CBFA2T3: variants seen among roughly 807,000 people sequenced by gnomAD.
The protein encoded by CBFA2T3 is transcriptional corepressor CBFA2T3.
CBFA2T3 carries 31 observed loss-of-function variants against 58.6 expected under a neutral mutation model. The observed-to-expected ratio is 0.53, with a 90% CI of 0.40 to 0.71. CBFA2T3 has a LOEUF of 0.71. CBFA2T3 is among the 30% of genes least tolerant of loss of function. The pLI is 0.00. For synonymous variants in CBFA2T3, 531 were observed against 421.9 expected, an observed-to-expected ratio of 1.26 and a Z score of -3.17; for missense variants, 1,076 against 963.1, an observed-to-expected ratio of 1.12 and a Z score of -1.55.
chr16:88,884,979 T>G, intron 7 of CBFA2T3, 67 bp downstream of exon 7: 9 of 1,223,682 alleles, frequency 7.4e-6, no homozygotes, highest in Non-Finnish European at 1.0e-5. Context: ...CATGCTCAGG[T>G]GTACATGTGG....
chr16:88,877,346 AG>A, intron 11 of CBFA2T3, 71 bp from the exon 12 acceptor site: 3 of 1,294,640 alleles, frequency 2.3e-6, no homozygotes, highest in Non-Finnish European at 3.2e-6. Context: ...GCCTCAACCA[AG>A]CCATTCAGAC....
chr16:88,907,643 C>T (rs747444930), intron 1 of CBFA2T3, among the ~76,000 whole-genome samples: 2 of 152,188 alleles, frequency 1.3e-5, no homozygotes, highest in Non-Finnish European at 2.9e-5. Context: ...ACCCCTTCCC[C>T]ACTGGCCACA....
At chr16:88,959,167 C>T (rs1972302747) in intron 1 of CBFA2T3, among the ~76,000 whole-genome samples, 2 of 152,194 alleles carry the variant, frequency 1.3e-5, no homozygotes, top group Admixed American at 6.5e-5. Context: ...CTGGCAGGCA[C>T]GCCACATGTG....
chr16:88,946,636 T>C (rs112419678), intron 1 of CBFA2T3, among the ~76,000 whole-genome samples: 20 of 151,744 alleles, frequency 1.3e-4, no homozygotes, highest in African/African-American at 4.6e-4. Context: ...GCGCCCACCA[T>C]CACGCCCAGC....
intron 1 of CBFA2T3, among the ~76,000 whole-genome samples, chr16:88,904,532 C>T (rs1253232718): frequency 1.3e-5 from 2 of 152,234 alleles, no homozygotes; most frequent in Non-Finnish European, 2.9e-5. Context: ...TTTTAGGCCT[C>T]AAGGTACTTG....
At chr16:88,886,241 A>G (rs1969368238) in intron 5 of CBFA2T3, 99 bp from the exon 6 acceptor site, 1 of 854,472 alleles carries the variant, frequency 1.2e-6, no homozygotes. Context: ...CGAAAGCTCA[A>G]CTTGACCTCG....
At chr16:88,880,577 G>T in intron 10 of CBFA2T3, 143 bp downstream of exon 10, 1 of 697,316 alleles carries the variant, frequency 1.4e-6, no homozygotes, top group Non-Finnish European at 2.4e-6. Flanking sequence ...CTCTCCGTGA[G>T]CCACACAGCG....
chr16:88,897,831 G>C (rs928140548), intron 3 of CBFA2T3, among the ~76,000 whole-genome samples: 1 of 152,248 alleles, frequency 6.6e-6, no homozygotes, highest in South Asian at 2.1e-4. Flanking sequence ...AGCTCAGAGA[G>C]GCTCTGCTCC....
chr16:88,976,302 GGC>G (rs1395267911), intron 1 of CBFA2T3, among the ~76,000 whole-genome samples: 1 of 152,142 alleles, frequency 6.6e-6, no homozygotes, highest in Non-Finnish European at 1.5e-5. Flanking sequence ...GGAGGAGGAG[GGC>G]TCTCTTTCTA....
At chr16:88,922,824 A>T (rs1023451904) in intron 1 of CBFA2T3, among the ~76,000 whole-genome samples, 1 of 152,208 alleles carries the variant, frequency 6.6e-6, no homozygotes, top group Non-Finnish European at 1.5e-5. Context: ...CATGGCCAAC[A>T]AAATACTAAC....
At chr16:88,941,276 G>A (rs1263967423) in intron 1 of CBFA2T3, 2 of 616,148 alleles carry the variant, frequency 3.2e-6, no homozygotes, top group South Asian at 6.7e-5. Flanking sequence ...GGCGGTCTCC[G>A]GCCTCCGCGG....
chr16:88,972,211 C>T (rs1285434740), intron 1 of CBFA2T3, among the ~76,000 whole-genome samples: 2 of 144,464 alleles, frequency 1.4e-5, no homozygotes, highest in Non-Finnish European at 3.0e-5. Flanking sequence ...GCCACGCTTA[C>T]TGGGGAGGGA....
chr16:88,926,999 C>T (rs1567613075), intron 1 of CBFA2T3, among the ~76,000 whole-genome samples: 1 of 152,196 alleles, frequency 6.6e-6, no homozygotes, highest in Admixed American at 6.5e-5. Context: ...GCCTGGCACG[C>T]GTGGTCCTTC....
At chr16:88,921,469 C>G (rs1185019770) in intron 1 of CBFA2T3, among the ~76,000 whole-genome samples, 1 of 152,190 alleles carries the variant, frequency 6.6e-6, no homozygotes, top group African/African-American at 2.4e-5. Context: ...GCCGGGATTT[C>G]CCGATCCAGG....
intron 1 of CBFA2T3, among the ~76,000 whole-genome samples, chr16:88,917,289 G>T (rs993385064): frequency 3.9e-5 from 6 of 152,124 alleles, no homozygotes; most frequent in Non-Finnish European, 8.8e-5. Flanking sequence ...CCAGGAAGAG[G>T]CTGCACCTGG....
At chr16:88,894,410 C>T (rs1205600986) in intron 3 of CBFA2T3, among the ~76,000 whole-genome samples, 1 of 111,898 alleles carries the variant, frequency 8.9e-6, no homozygotes, top group African/African-American at 4.1e-5. Flanking sequence ...CATGCACACA[C>T]ACATGCATAC....
intron 1 of CBFA2T3, among the ~76,000 whole-genome samples, chr16:88,935,020 G>A (rs530668229): frequency 6.6e-6 from 1 of 152,230 alleles, no homozygotes; most frequent in South Asian, 2.1e-4. Flanking sequence ...GATTACAGGC[G>A]TAAGCCACCG....
At position 88,953,793 on chromosome 16, in the gene CBFA2T3, C is replaced by T. The variant is rs1303204022; in HGVS notation, c.151+22864G>A. ...TTCGCTGTGACTGCACCCCCTGAATCTTAATCATATGTGTCTCTGGGTTTC... is the reference window on the plus strand; with the variant it reads ...TTCGCTGTGACTGCACCCCCTGAATTTTAATCATATGTGTCTCTGGGTTTC... On this transcript the variant is annotated intron_variant, in intron 1 of 11. Transcript: ENST00000268679. The surrounding 1 kb of genome is among the most constrained non-coding windows in gnomAD (Gnocchi z 4.9). Among the ~76,000 whole-genome samples, 5 of 152,198 alleles carry T rather than the reference C, an allele frequency of 3.3e-5. No individual in the cohort carries two copies. Among genetic ancestry groups the T allele is most frequent in the African/African-American group, 1.2e-4 (5 of 41,442 alleles).
chr16:88,892,146 C>T (rs971929766), intron 4 of CBFA2T3, 98 bp downstream of exon 4: 38 of 1,467,334 alleles, frequency 2.6e-5, no homozygotes, highest in Non-Finnish European at 3.4e-5. Context: ...GCCCGGTTGT[C>T]AGCGTGGAGC....
Sources: gnomAD v4.1 joint callset for allele counts (sites outside exome capture counted in the v4.1 genomes callset) on GRCh38, gnomAD v4.1.1 for gene constraint, Gnocchi (gnomAD v3.1) non-coding constraint, MANE v1.5 for transcripts, NCBI Gene and HGNC (gene_info 2026-07-23, HGNC 2026-07-21) for gene names.